The following CREB3L2 variants were observed in gnomAD, a reference collection of about 807,000 sequenced individuals.
CREB3L2 encodes the protein cAMP responsive element binding protein 3 like 2, also known as cyclic AMP-responsive element-binding protein 3-like protein 2.
In CREB3L2, 23 loss-of-function variants were observed where a neutral mutation model predicts 57.2. The ratio of observed to expected loss-of-function variants is 0.40; its 90% CI spans 0.29 to 0.57. The LOEUF is 0.57. Among genes scored for constraint, CREB3L2 ranks in the 20% least tolerant of loss-of-function variants. CREB3L2 has a pLI of 0.42. For missense variants in CREB3L2, 628 were observed against 634.7 expected, an observed-to-expected ratio of 0.99 and a Z score of 0.11; for synonymous variants, 268 against 265.1, an observed-to-expected ratio of 1.01 and a Z score of -0.11.
At chr7:137,958,027 T>C (rs1430958739) in intron 1 of CREB3L2, 1 of 245,620 alleles carries the variant, frequency 4.1e-6, no homozygotes, top group Non-Finnish European at 8.2e-6. Context: ...TCAGTCACTT[T>C]CTAGTTTTCC....
intron 1 of CREB3L2, among the ~76,000 whole-genome samples, chr7:137,968,854 C>G (rs771208504): frequency 6.6e-6 from 1 of 152,144 alleles, no homozygotes; most frequent in African/African-American, 2.4e-5. Flanking sequence ...CTTCCAATTA[C>G]AGCACATAAG....
chr7:137,991,464 T>C (rs947747378), intron 1 of CREB3L2, among the ~76,000 whole-genome samples: 1 of 151,948 alleles, frequency 6.6e-6, no homozygotes, highest in Non-Finnish European at 1.5e-5. Flanking sequence ...GCGCCTGGCC[T>C]TAAATAGCTT....
intron 1 of CREB3L2, among the ~76,000 whole-genome samples, chr7:137,993,710 A>G (rs1007967187): frequency 6.6e-6 from 1 of 152,206 alleles, no homozygotes; most frequent in Non-Finnish European, 1.5e-5. Flanking sequence ...ATATAAAAAC[A>G]GGCCAAAGCC....
intron 1 of CREB3L2, among the ~76,000 whole-genome samples, chr7:137,932,120 T>C (rs1398183024): frequency 6.6e-6 from 1 of 152,158 alleles, no homozygotes; most frequent in African/African-American, 2.4e-5. Context: ...TGGTACCATA[T>C]CTCATATTTC....
chr7:137,955,406 A>G (rs1211946823), intron 1 of CREB3L2: 1 of 814,866 alleles, frequency 1.2e-6, no homozygotes, highest in East Asian at 6.4e-5. Context: ...CGGCCACCTC[A>G]CTCCTCTCCC....
At chr7:137,938,526 AG>A (rs1349297112) in intron 1 of CREB3L2, among the ~76,000 whole-genome samples, 1 of 151,886 alleles carries the variant, frequency 6.6e-6, no homozygotes, top group Non-Finnish European at 1.5e-5. Flanking sequence ...TTGTATTTTT[AG>A]TAGAGACGGG....
At chr7:137,976,074 A>T (rs1007047576) in intron 1 of CREB3L2, among the ~76,000 whole-genome samples, 2 of 152,350 alleles carry the variant, frequency 1.3e-5, no homozygotes, top group African/African-American at 4.8e-5. Context: ...TTTCAAAAAC[A>T]TCTCTTTCTT....
intron 4 of CREB3L2, among the ~76,000 whole-genome samples, chr7:137,911,723 C>T (rs754437103): frequency 1.2e-4 from 19 of 152,018 alleles, no homozygotes; most frequent in South Asian, 2.1e-4. Context: ...CTGCAGTCCC[C>T]GCTACTTGGG....
intron 1 of CREB3L2, among the ~76,000 whole-genome samples, chr7:137,961,323 A>C (rs1414883992): frequency 1.3e-5 from 2 of 152,092 alleles, no homozygotes; most frequent in Non-Finnish European, 2.9e-5. Flanking sequence ...AGTTTGGAGG[A>C]AAGTACGTAT....
At chr7:137,893,320 G>C (rs1799559603) in intron 8 of CREB3L2, among the ~76,000 whole-genome samples, 2 of 152,288 alleles carry the variant, frequency 1.3e-5, no homozygotes, top group South Asian at 2.1e-4. Context: ...ATAATCCTTT[G>C]AAGTTTGAAA....
chr7:137,976,271 C>A lies in CREB3L2; in HGVS notation c.102+25333G>T, dbSNP rs980060010. Among the ~76,000 whole-genome samples the A allele has an allele frequency of 9.2e-5, 14 of 152,288 alleles. No homozygotes were observed. The East Asian group carries it at 1.4e-3, about 15-fold the overall frequency. On this transcript the variant is annotated intron_variant, in intron 1 of 11. Transcript: ENST00000330387. ...TGTGCCAAAATCTGCTTATTTAACA[C>A]CCTTTACCCAGAGAACTAATGTAGT...
At chr7:137,891,465 G>A (rs1293252261) in intron 8 of CREB3L2, among the ~76,000 whole-genome samples, 1 of 152,072 alleles carries the variant, frequency 6.6e-6, no homozygotes, top group Non-Finnish European at 1.5e-5. Flanking sequence ...GAACATTCAG[G>A]AACCTAATTT....
chr7:137,908,359 T>C lies in CREB3L2; in HGVS notation c.661A>G (p.Asn221Asp). The C allele has an allele frequency of 7.9e-7, 1 of 1,260,434 alleles. No homozygotes were observed. The allele number at this position is 1,260,434 out of a possible 1,614,324, so 78.1% of individuals were successfully genotyped here. ...AGGCTGAAGGGGTGCAGGCGTGGGTTGGGACTCAGGCTGCCCTCTGAGTCA... is the reference window on the plus strand; with the variant it reads ...AGGCTGAAGGGGTGCAGGCGTGGGTCGGGACTCAGGCTGCCCTCTGAGTCA... ...GSDSEGSLSP[N>D]PRLHPFSLPQ... The change falls in exon 5 of 12, where the codon AAC becomes GAC. Residue 221 changes from asparagine (N) to aspartate (D), a missense_variant. Asn to Asp is a conservative substitution (Grantham distance 23). Around this residue, in one of 3 missense-constraint regions of CREB3L2, gnomAD observed 339 missense variants for 355.4 expected, o/e 0.95. Transcript: ENST00000330387.
At chr7:137,917,187 A>G (rs74854048) in intron 2 of CREB3L2, among the ~76,000 whole-genome samples, 5,559 of 152,294 alleles carry the variant, frequency 0.037, 116 homozygotes, top group Middle Eastern at 0.082. Context: ...GATAGCTAAC[A>G]ACCGAGAGAC....
intron 2 of CREB3L2, among the ~76,000 whole-genome samples, chr7:137,926,892 T>C (rs1003848370): frequency 1.4e-4 from 22 of 152,272 alleles, no homozygotes; most frequent in Admixed American, 1.4e-3. Context: ...CTCATGCCTA[T>C]AATCCTAGCA....
Position 137,879,493 on chromosome 7 carries a change from C to G in CREB3L2, c.*983G>C, listed in dbSNP as rs569765755. ...GGGCCTGAGTGAGGCATTGTGTCAT[C>G]TCTCGCTCTGAGCTCATCCTAGAGG... On this transcript the variant is annotated 3_prime_UTR_variant, in exon 12 of 12. Coordinates refer to ENST00000330387, the MANE Select transcript of CREB3L2 (RefSeq NM_194071.4). 9.5e-5 allele frequency: 33 copies of G among 347,130 alleles called. No individual in the cohort carries two copies. Among genetic ancestry groups the G allele is most frequent in the Middle Eastern group, 8.9e-4 (1 of 1,124 alleles). The allele number at this position is 347,130 out of a possible 1,614,324, so 21.5% of individuals were successfully genotyped here.
At chr7:137,963,511 G>A (rs1002695426) in intron 1 of CREB3L2, among the ~76,000 whole-genome samples, 2 of 152,036 alleles carry the variant, frequency 1.3e-5, no homozygotes, top group Admixed American at 6.6e-5. Flanking sequence ...CTAGCTTCTG[G>A]ATACATTATT....
At chr7:137,994,718 G>A (rs75710474) in intron 1 of CREB3L2, among the ~76,000 whole-genome samples, 1 of 152,282 alleles carries the variant, frequency 6.6e-6, no homozygotes, top group East Asian at 1.9e-4. Context: ...GGCCGAGGCA[G>A]AGGATCCCTT....
chr7:137,960,109 A>G (rs1801294266), intron 1 of CREB3L2, among the ~76,000 whole-genome samples: 1 of 152,200 alleles, frequency 6.6e-6, no homozygotes, highest in African/African-American at 2.4e-5. Flanking sequence ...TATATAGTGA[A>G]TTATCATAAC....
Sources: gnomAD v4.1 joint callset for allele counts (sites outside exome capture counted in the v4.1 genomes callset) on GRCh38, gnomAD v4.1.1 for gene constraint, gnomAD v4.1.1 regional missense constraint, MANE v1.5 for transcripts, NCBI Gene and HGNC (gene_info 2026-07-23, HGNC 2026-07-21) for gene names.